JAZF1: variants seen among roughly 807,000 people sequenced by gnomAD.
JAZF1 encodes JAZF zinc finger 1.
A neutral mutation model predicts 26.4 loss-of-function variants in JAZF1; 8 were observed. The observed-to-expected ratio is 0.30, with a 90% confidence interval of 0.18 to 0.55. The LOEUF (loss-of-function observed/expected upper bound fraction) is 0.55, where lower values mean the gene tolerates loss of function less well. JAZF1 is among the 20% of genes least tolerant of loss of function. The probability of loss-of-function intolerance (pLI) is 0.94; values close to 1 mark genes in which losing one functional copy is unlikely to be tolerated. For missense variants in JAZF1, 199 were observed against 322.0 expected (o/e 0.62, Z 2.92); for synonymous variants, 126 against 122.3 (o/e 1.03, Z -0.20).
intron 1 of JAZF1, among the ~76,000 whole-genome samples, chr7:28,071,304 A>G (rs972284164): frequency 6.6e-6 from 1 of 152,308 alleles, no homozygotes; most frequent in Admixed American, 6.5e-5. Context: ...ATACTCTTCC[A>G]CTTTTATGCA....
In JAZF1 at chr7:28,174,821, G is replaced by GGGGTGTGTGT. The variant is rs758961535; in HGVS notation, c.115+5641_115+5642insACACACACCC. On this transcript the variant is annotated intron_variant, in intron 1 of 4. Coordinates refer to ENST00000283928, the MANE Select transcript of JAZF1 (RefSeq NM_175061.4). ...CCTGATCCTGCCTATGGGGTGTGTG[G>GGGGTGTGTGT]GTGTGTGTGTGTGTGTGTGTGTGTG... Among the ~76,000 whole-genome samples the GGGGTGTGTGT allele has an allele frequency of 4.7e-3, 507 of 107,792 alleles. 141 individuals are homozygous for GGGGTGTGTGT. The highest frequency in any genetic ancestry group is 6.9e-3 in the Non-Finnish European group (297 of 43,100). The allele number at this position is 107,792 out of a possible 152,430, so 70.7% of individuals were successfully genotyped here. A position where few individuals can be genotyped will look rare whatever the true frequency, so the allele number is the denominator to read the frequency against.
intron 3 of JAZF1, among the ~76,000 whole-genome samples, chr7:27,889,936 A>C (rs1021742474): frequency 2.0e-5 from 3 of 151,166 alleles, no homozygotes; most frequent in African/African-American, 7.3e-5. Flanking sequence ...TTCTCTCAAA[A>C]AAAAAAAAAA....
intron 1 of JAZF1, chr7:28,020,929 A>G: frequency 3.2e-6 from 1 of 314,996 alleles, no homozygotes; most frequent in Non-Finnish European, 6.2e-6. Flanking sequence ...ATAGAAAAGT[A>G]ACCTGGTTCT....
At chr7:27,888,841 C>A (rs1179708479) in intron 3 of JAZF1, among the ~76,000 whole-genome samples, 2 of 152,048 alleles carry the variant, frequency 1.3e-5, no homozygotes, top group Non-Finnish European at 2.9e-5. Context: ...AATTTTCCCC[C>A]CCAGAGTGCG....
chr7:28,094,198 A>G (rs1784345913), intron 1 of JAZF1, among the ~76,000 whole-genome samples: 1 of 152,238 alleles, frequency 6.6e-6, no homozygotes, highest in African/African-American at 2.4e-5. Context: ...GAGGCAACAG[A>G]CATTTGTATT....
intron 3 of JAZF1, chr7:27,846,500 G>A (rs1562762577): frequency 2.1e-6 from 1 of 470,984 alleles, no homozygotes; most frequent in Non-Finnish European, 4.4e-6. Flanking sequence ...TGTAATGCTG[G>A]GAGAACATGA....
chr7:28,007,122 C>T (rs1782716724), intron 1 of JAZF1, among the ~76,000 whole-genome samples: 1 of 152,138 alleles, frequency 6.6e-6, no homozygotes, highest in Non-Finnish European at 1.5e-5. Context: ...TAAAAGTATG[C>T]TATTCCTGAT....
At chr7:27,978,141 G>A (rs1038181789) in intron 2 of JAZF1, among the ~76,000 whole-genome samples, 1 of 152,184 alleles carries the variant, frequency 6.6e-6, no homozygotes, top group Non-Finnish European at 1.5e-5. Context: ...AGTGTCCCTA[G>A]AGTTCTTAGA....
intron 1 of JAZF1, among the ~76,000 whole-genome samples, chr7:28,016,093 G>A (rs1337728807): frequency 6.6e-6 from 1 of 152,214 alleles, no homozygotes. Context: ...ACTGCATGCT[G>A]AAAGCTGCCG....
chr7:27,937,022 T>C (rs1156540791), intron 2 of JAZF1, among the ~76,000 whole-genome samples: 1 of 152,222 alleles, frequency 6.6e-6, no homozygotes, highest in Non-Finnish European at 1.5e-5. Context: ...TTTGTTTCTC[T>C]AAATAAGCAT....
chr7:27,884,530 A>G (rs191647288), intron 3 of JAZF1, among the ~76,000 whole-genome samples: 2 of 152,136 alleles, frequency 1.3e-5, no homozygotes, highest in Non-Finnish European at 2.9e-5. Flanking sequence ...CCTTGTCCAC[A>G]CCTTCCTCCT....
At chr7:28,099,088 G>C (rs1410575623) in intron 1 of JAZF1, among the ~76,000 whole-genome samples, 1 of 152,122 alleles carries the variant, frequency 6.6e-6, no homozygotes, top group Non-Finnish European at 1.5e-5. Flanking sequence ...TATTATTGCT[G>C]GCATGTTAGC....
At chr7:27,923,060 G>A (rs1784557872) in intron 2 of JAZF1, among the ~76,000 whole-genome samples, 1 of 152,248 alleles carries the variant, frequency 6.6e-6, no homozygotes, top group African/African-American at 2.4e-5. Flanking sequence ...CCCAGGCTGT[G>A]GTTGTTGGCG....
Position 27,946,708 on chromosome 7 carries a change from G to A in JAZF1, c.188+45201C>T, listed in dbSNP as rs73685865. Among the ~76,000 whole-genome samples, 1,081 of 152,314 alleles carry A rather than the reference G, an allele frequency of 7.1e-3. 13 individuals carry two copies. The highest frequency in any genetic ancestry group is 0.025 in the African/African-American group (1,020 of 41,560). On this transcript the variant is annotated intron_variant, in intron 2 of 4. Transcript: ENST00000283928. ...GTGGGAGCAATTATTCTAGGCCACTGAGGGGCTCCAAAGGTGGCTTCTGTC... is the reference window on the plus strand; with the variant it reads ...GTGGGAGCAATTATTCTAGGCCACTAAGGGGCTCCAAAGGTGGCTTCTGTC...
At chr7:28,080,035 C>G (rs1391718338) in intron 1 of JAZF1, among the ~76,000 whole-genome samples, 1 of 152,202 alleles carries the variant, frequency 6.6e-6, no homozygotes, top group African/African-American at 2.4e-5. Flanking sequence ...AAGTATATAT[C>G]TTAATTTTAA....
In JAZF1 at chr7:28,110,536, GGAAAAGGAAAAGGAAAA is replaced by G. The variant is rs1562590993; in HGVS notation, c.115+69910_115+69926del. 3.7e-3 allele frequency among the ~76,000 whole-genome samples: 324 copies of G among 87,650 alleles called. 26 individuals carry two copies. The highest frequency in any genetic ancestry group is 0.013 in the African/African-American group (306 of 24,218). The allele number at this position is 87,650 out of a possible 152,430, so 57.5% of individuals were successfully genotyped here. A position where few individuals can be genotyped will look rare whatever the true frequency, so the allele number is the denominator to read the frequency against. On this transcript the variant is annotated intron_variant, in intron 1 of 4. Transcript: ENST00000283928. ...AAGGAAAAGGAAAAGGAAAAGGAAA[GGAAAAGGAAAAGGAAAA>G]GGAAAGGGAAAGGAAAAGGGAAAGG...
At chr7:28,074,818 T>C (rs1438843957) in intron 1 of JAZF1, among the ~76,000 whole-genome samples, 9 of 152,222 alleles carry the variant, frequency 5.9e-5, no homozygotes, top group African/African-American at 1.9e-4. Flanking sequence ...TGCCTCATTT[T>C]AGGACAAAGA....
At chr7:28,165,566 C>G (rs1783355540) in intron 1 of JAZF1, among the ~76,000 whole-genome samples, 1 of 152,170 alleles carries the variant, frequency 6.6e-6, no homozygotes, top group Admixed American at 6.5e-5. Flanking sequence ...CAGGTCCCAG[C>G]TCCCTCTCCT....
At position 28,078,167 on chromosome 7, in the gene JAZF1, T is replaced by C. The variant is rs1784083938; in HGVS notation, c.116-86186A>G. Among the ~76,000 whole-genome samples the C allele has an allele frequency of 2.0e-5, 3 of 152,316 alleles. No individual in the cohort carries two copies. The South Asian group carries it at 6.2e-4, about 32-fold the overall frequency. On this transcript the variant is annotated intron_variant, in intron 1 of 4. Coordinates refer to ENST00000283928, the MANE Select transcript of JAZF1 (RefSeq NM_175061.4). ...TTTGTACAGCCTCTCAACTGTACATTAGGAAGTCACTCGTATGATGATAAT... is the reference window on the plus strand; with the variant it reads ...TTTGTACAGCCTCTCAACTGTACATCAGGAAGTCACTCGTATGATGATAAT...
Sources: allele counts gnomAD v4.1 joint callset (sites outside exome capture counted in the v4.1 genomes callset), GRCh38; gene constraint gnomAD v4.1.1; transcripts MANE v1.5; gene names NCBI Gene and HGNC (gene_info 2026-07-23, HGNC 2026-07-21).